Variants in LARP1 observed in about 807,000 individuals in gnomAD.
LARP1 encodes la-related protein 1.
LARP1 carries 36 observed loss-of-function variants against 122.7 expected under a neutral mutation model. The ratio of observed to expected loss-of-function variants is 0.29; its 90% confidence interval spans 0.22 to 0.39. LARP1 has a LOEUF of 0.39. LARP1 is among the 10% of genes least tolerant of loss of function. LARP1 has a pLI of 1.00. For missense variants in LARP1, 1,040 were observed against 1,403.6 expected (o/e 0.74, Z 4.14); for synonymous variants, 539 against 528.7 (o/e 1.02, Z -0.27).
chr5:154,788,051 C>A (rs1757028761), intron 1 of LARP1, among the ~76,000 whole-genome samples: 1 of 152,164 alleles, frequency 6.6e-6, no homozygotes, highest in Non-Finnish European at 1.5e-5. Flanking sequence ...GTACACAGGC[C>A]CTTTGGCCTG....
At chr5:154,747,153 A>G (rs1306508788) in intron 1 of LARP1, among the ~76,000 whole-genome samples, 2 of 151,874 alleles carry the variant, frequency 1.3e-5, no homozygotes, top group African/African-American at 4.8e-5. Context: ...AGAAAAACCA[A>G]ACATTAGCCG....
exon 1 of LARP1, chr5:154,712,923 T>G (rs1321927206): frequency 6.2e-7 from 1 of 1,613,938 alleles, no homozygotes; most frequent in East Asian, 2.2e-5. Flanking sequence ...CCCTGGTCAC[T>G]CCATGCTTTG....
intron 1 of LARP1, among the ~76,000 whole-genome samples, chr5:154,733,158 C>A (rs979547425): frequency 2.6e-5 from 4 of 152,192 alleles, no homozygotes; most frequent in African/African-American, 9.7e-5. Context: ...AACAAATATA[C>A]TATAGCCACC....
At position 154,803,862 on chromosome 5, in the gene LARP1, C is replaced by G; in HGVS notation, c.2439+117C>G. The G allele has an allele frequency of 9.2e-7, 1 of 1,082,616 alleles. No homozygotes were observed. The highest frequency in any genetic ancestry group is 1.4e-6 in the Non-Finnish European group (1 of 734,658). The allele number at this position is 1,082,616 out of a possible 1,614,324, so 67.1% of individuals were successfully genotyped here. On this transcript the variant is annotated intron_variant, in intron 13 of 18. Transcript: ENST00000518297. The surrounding 1 kb of genome is among the most constrained non-coding windows in gnomAD (Gnocchi z 4.4). The stretch of plus-strand genomic sequence containing the variant: ...GGAAGTGCTAAATCCTTCACCTGCT[C>G]TGTGTTCTGAGGCTGGTGGGCTTAC...
chr5:154,811,607 C>T lies in LARP1; in HGVS notation c.3048C>T (p.Gly1016=), dbSNP rs1759279944. ...ACCCCAAACTGCAAGAATACCTCGG[C>T]AAATTCCGACGTCTTGAAGACTTCC... ...DIDPKLQEYL[G]KFRRLEDFRV... is the part of the protein sequence containing the mutation. The change falls in exon 18 of 19, where the codon GGC becomes GGT. Residue 1016 remains glycine (G), a synonymous_variant. Coordinates refer to ENST00000518297, the MANE Select transcript of LARP1 (RefSeq NM_033551.3). The T allele has an allele frequency of 6.2e-7, 1 of 1,614,092 alleles. No individual in the cohort carries two copies. Among genetic ancestry groups the T allele is most frequent in the African/African-American group, 1.3e-5 (1 of 74,938 alleles).
chr5:154,767,499 G>C (rs951408556), intron 1 of LARP1, among the ~76,000 whole-genome samples: 4 of 152,126 alleles, frequency 2.6e-5, no homozygotes, highest in Non-Finnish European at 5.9e-5. Flanking sequence ...TTCTGACCTT[G>C]CCCTAGGCTG....
chr5:154,767,457 A>G (rs1368782624), intron 1 of LARP1, among the ~76,000 whole-genome samples: 1 of 152,166 alleles, frequency 6.6e-6, no homozygotes, highest in Non-Finnish European at 1.5e-5. Context: ...ATACACAGGA[A>G]GGTAGCCTAC....
At chr5:154,810,427 C>A (rs543460301) in intron 16 of LARP1, among the ~76,000 whole-genome samples, 2 of 150,526 alleles carry the variant, frequency 1.3e-5, no homozygotes, top group African/African-American at 4.9e-5. Flanking sequence ...CTGAGCGAGA[C>A]TCTGTCTCAA....
intron 7 of LARP1, 115 bp from the exon 8 acceptor site, chr5:154,795,060 G>C (rs965458585): frequency 5.3e-6 from 5 of 945,656 alleles, no homozygotes; most frequent in Middle Eastern, 2.6e-4. Flanking sequence ...GGATAAGGAT[G>C]GGGTAGGTCA....
rs1397179743 is a variant in LARP1 at position 154,772,999 on chromosome 5, T to C, written c.436+16806T>C. ...CCTGGCCTTTTTTTTTTTTTTTTTT[T>C]TTTTAAAAGACCTTGCTGTTCTATC... On this transcript the variant is annotated intron_variant, in intron 1 of 18. Coordinates refer to ENST00000518297, the MANE Select transcript of LARP1 (RefSeq NM_033551.3). 4.0e-5 allele frequency among the ~76,000 whole-genome samples: 6 copies of C among 150,962 alleles called. No homozygotes were observed. The East Asian group carries it at 1.2e-3, about 29-fold the overall frequency.
At chr5:154,812,113 G>A (rs1759322950) in intron 18 of LARP1, among the ~76,000 whole-genome samples, 1 of 152,202 alleles carries the variant, frequency 6.6e-6, no homozygotes. Flanking sequence ...AAGTTGGAGT[G>A]ATTTAATTGA....
chr5:154,723,236 CAG>C (rs1417387073), intron 1 of LARP1, among the ~76,000 whole-genome samples: 2 of 152,236 alleles, frequency 1.3e-5, no homozygotes, highest in Non-Finnish European at 2.9e-5. Flanking sequence ...CCAGCTCTAA[CAG>C]GGGTTGTCAA....
In LARP1 at chr5:154,801,997, C is replaced by T. The variant is rs1291997381; in HGVS notation, c.1717-10C>T. Reference sequence around the variant, plus strand: ...GTGATTCCTTTTCCCCTTCGTCTGTCCTATTTTAGAAGTCAGAGGAGTCCA... The same window carrying T: ...GTGATTCCTTTTCCCCTTCGTCTGTTCTATTTTAGAAGTCAGAGGAGTCCA... On this transcript the variant is annotated splice_polypyrimidine_tract_variant and intron_variant, in intron 10 of 18. Transcript: ENST00000518297. 2.5e-6 allele frequency: 4 copies of T among 1,600,586 alleles called. No individual in the cohort carries two copies. Among genetic ancestry groups the T allele is most frequent in the Non-Finnish European group, 2.6e-6 (3 of 1,173,070 alleles).
intron 1 of LARP1, among the ~76,000 whole-genome samples, chr5:154,741,695 C>CG (rs371799707): frequency 1.3e-5 from 2 of 151,918 alleles, no homozygotes; most frequent in Non-Finnish European, 2.9e-5. Flanking sequence ...GTGCAAGAAA[C>CG]GGGGGGAAAA....
intron 1 of LARP1, among the ~76,000 whole-genome samples, chr5:154,684,751 A>G (rs939730486): frequency 3.3e-5 from 5 of 152,108 alleles, no homozygotes; most frequent in Non-Finnish European, 7.3e-5. Context: ...CATCTGTTCC[A>G]TTGAAATCAA....
chr5:154,697,202 CTTT>C (rs11399407), intron 1 of LARP1, among the ~76,000 whole-genome samples: 1 of 141,566 alleles, frequency 7.1e-6, no homozygotes, highest in Non-Finnish European at 1.5e-5. Flanking sequence ...AGCTTTTTAT[CTTT>C]TTTTTTTTTT....
intron 1 of LARP1, among the ~76,000 whole-genome samples, chr5:154,779,844 T>C (rs1429849278): frequency 2.0e-5 from 3 of 152,032 alleles, no homozygotes; most frequent in African/African-American, 7.2e-5. Flanking sequence ...GCTGGTGCCT[T>C]GAGAGCATCC....
Position 154,802,313 on chromosome 5 carries a change from C to T in LARP1, c.2023C>T (p.Leu675=), listed in dbSNP as rs778045925. The change falls in exon 11 of 19, where the codon CTG becomes TTG. Residue 675 remains leucine (L), a synonymous_variant. Transcript: ENST00000518297. The surrounding 1 kb of genome is among the most constrained non-coding windows in gnomAD (Gnocchi z 5.1). ...HTSRAKMSAE[L]AKVINDGLFY... is the part of the protein sequence containing the mutation. ...CTCGCGTGCCAAGATGAGCGCCGAA[C>T]TGGCCAAGGTCATTAATGATGGCCT... 1.3e-5 allele frequency: 21 copies of T among 1,614,106 alleles called. No individual in the cohort carries two copies. In the East Asian group the frequency reaches 3.8e-4, roughly 29 times the overall value.
chr5:154,771,314 A>T (rs1224187632), intron 1 of LARP1, among the ~76,000 whole-genome samples: 1 of 152,090 alleles, frequency 6.6e-6, no homozygotes, highest in Non-Finnish European at 1.5e-5. Context: ...TGATTATTGA[A>T]CTTTCAAGCT....
Sources: allele counts gnomAD v4.1 joint callset (sites outside exome capture counted in the v4.1 genomes callset), GRCh38; gene constraint gnomAD v4.1.1; non-coding constraint Gnocchi (gnomAD v3.1); transcripts MANE v1.5; gene names NCBI Gene and HGNC (gene_info 2026-07-23, HGNC 2026-07-21).